The following CNTN1 variants were observed in gnomAD, a reference collection of about 807,000 sequenced individuals.
The protein encoded by CNTN1 is contactin 1, also known as contactin-1.
In CNTN1, 38 loss-of-function variants were observed where a neutral mutation model predicts 126.4. The ratio of observed to expected loss-of-function variants is 0.30; its 90% CI spans 0.23 to 0.39. CNTN1 has a LOEUF of 0.39. Ranked by LOEUF, CNTN1 falls within the 10% of genes least tolerant of loss-of-function variation. The pLI is 1.00. For synonymous variants in CNTN1, 413 were observed against 422.6 expected (o/e 0.98, Z 0.28); for missense variants, 1,009 against 1,248.4 (o/e 0.81, Z 2.89).
intron 12 of CNTN1, among the ~76,000 whole-genome samples, chr12:40,943,067 G>A (rs1946311961): frequency 6.6e-6 from 1 of 152,144 alleles, no homozygotes; most frequent in Admixed American, 6.6e-5. Context: ...CCCTGAGGAA[G>A]AGGCTGACAG....
intron 15 of CNTN1, among the ~76,000 whole-genome samples, chr12:40,975,129 A>G (rs1222205755): frequency 4.0e-5 from 6 of 148,268 alleles, no homozygotes; most frequent in South Asian, 2.1e-4. Flanking sequence ...TTAGCTATGT[A>G]TCTCTGACAA....
rs113358516 is a variant in CNTN1 at position 41,039,532 on chromosome 12, C to G, written c.2980+10313C>G. On this transcript the variant is annotated intron_variant, in intron 23 of 23. Transcript: ENST00000551295. ...AAATACATGAAGAAAAGAAGGAGTA[C>G]TTCAAATTTTGACAAGCTGAGTTCA... Among the ~76,000 whole-genome samples the G allele has an allele frequency of 3.9e-3, 601 of 152,220 alleles. 7 individuals are homozygous for G. Among genetic ancestry groups the G allele is most frequent in the African/African-American group, 0.014 (579 of 41,560 alleles).
chr12:41,052,212 A>G (rs549253049), intron 23 of CNTN1, among the ~76,000 whole-genome samples: 59 of 152,318 alleles, frequency 3.9e-4, no homozygotes, highest in African/African-American at 1.4e-3. Flanking sequence ...TCTGGTCTTA[A>G]GACCAGAAGT....
At chr12:40,798,182 G>A (rs1414415574) in intron 1 of CNTN1, among the ~76,000 whole-genome samples, 2 of 151,910 alleles carry the variant, frequency 1.3e-5, no homozygotes, top group African/African-American at 2.4e-5. Context: ...GTTGCACTGG[G>A]AAAGGAGACT....
intron 1 of CNTN1, among the ~76,000 whole-genome samples, chr12:40,810,394 A>G (rs1352641439): frequency 1.3e-5 from 2 of 152,172 alleles, no homozygotes; most frequent in Non-Finnish European, 2.9e-5. Context: ...TTGTGCTGAC[A>G]ATACTTAAGA....
intron 1 of CNTN1, among the ~76,000 whole-genome samples, chr12:40,762,586 T>C (rs1446719480): frequency 6.6e-6 from 1 of 152,164 alleles, no homozygotes; most frequent in Non-Finnish European, 1.5e-5. Context: ...CATCTTTATA[T>C]AATATATGAG....
intron 1 of CNTN1, among the ~76,000 whole-genome samples, chr12:40,737,367 A>ATATATATC (rs1330994070): frequency 7.0e-6 from 1 of 142,584 alleles, no homozygotes; most frequent in Non-Finnish European, 1.5e-5. Flanking sequence ...GTGTATATAT[A>ATATATATC]TATATATATA....
At chr12:40,915,959 A>G (rs778844079) in intron 3 of CNTN1, among the ~76,000 whole-genome samples, 23 of 152,124 alleles carry the variant, frequency 1.5e-4, no homozygotes, top group Non-Finnish European at 3.4e-4. Flanking sequence ...TGCAACACAA[A>G]TTCATTTCTC....
intron 1 of CNTN1, among the ~76,000 whole-genome samples, chr12:40,855,678 C>T (rs1036710169): frequency 6.6e-6 from 1 of 151,934 alleles, no homozygotes; most frequent in Non-Finnish European, 1.5e-5. Flanking sequence ...ATTTCAAATT[C>T]TGAAAAAATT....
At chr12:40,978,552 A>G (rs538073849) in intron 15 of CNTN1, among the ~76,000 whole-genome samples, 110 of 152,262 alleles carry the variant, frequency 7.2e-4, no homozygotes, top group African/African-American at 2.5e-3. Context: ...CTATACACCA[A>G]ATATTTATGA....
chr12:40,847,146 G>A (rs944944140), intron 1 of CNTN1, among the ~76,000 whole-genome samples: 23 of 152,134 alleles, frequency 1.5e-4, no homozygotes, highest in African/African-American at 4.6e-4. Context: ...GATGACAGGC[G>A]TGAGCGACTG....
chr12:40,742,132 C>A (rs1294669822), intron 1 of CNTN1, among the ~76,000 whole-genome samples: 1 of 152,014 alleles, frequency 6.6e-6, no homozygotes, highest in African/African-American at 2.4e-5. Context: ...GCCTAAAGTA[C>A]TTAAAATATA....
At chr12:40,700,390 G>A (rs2121106786) in intron 1 of CNTN1, among the ~76,000 whole-genome samples, 1 of 152,202 alleles carries the variant, frequency 6.6e-6, no homozygotes, top group African/African-American at 2.4e-5. Context: ...GCTGGGCATG[G>A]TGGCACATGC....
intron 1 of CNTN1, among the ~76,000 whole-genome samples, chr12:40,906,441 T>G (rs1253641287): frequency 3.3e-5 from 5 of 152,142 alleles, no homozygotes; most frequent in Admixed American, 6.5e-5. Flanking sequence ...ATGGTCCAGG[T>G]AAAAATTTTG....
intron 1 of CNTN1, among the ~76,000 whole-genome samples, chr12:40,890,702 A>G (rs896665812): frequency 3.9e-5 from 6 of 152,140 alleles, no homozygotes; most frequent in Non-Finnish European, 7.4e-5. Context: ...TTTTAGTGCT[A>G]AATAATACTC....
chr12:40,864,779 T>C (rs1490978176), intron 1 of CNTN1, among the ~76,000 whole-genome samples: 1 of 152,220 alleles, frequency 6.6e-6, no homozygotes, highest in Non-Finnish European at 1.5e-5. Context: ...TTGGCTATTA[T>C]GAATAATGCA....
intron 1 of CNTN1, among the ~76,000 whole-genome samples, chr12:40,838,298 C>T (rs1468474533): frequency 6.7e-6 from 1 of 149,678 alleles, no homozygotes; most frequent in African/African-American, 2.5e-5. Context: ...GCCCGCCTAG[C>T]CCATTGCTGC....
intron 14 of CNTN1, among the ~76,000 whole-genome samples, chr12:40,950,676 C>T (rs961306253): frequency 6.6e-6 from 1 of 152,090 alleles, no homozygotes; most frequent in Non-Finnish European, 1.5e-5. Flanking sequence ...TTCTGATCCC[C>T]TTTTTACTAC....
At chr12:40,959,346 C>A in intron 15 of CNTN1, 112 bp downstream of exon 15, 1 of 1,154,592 alleles carries the variant, frequency 8.7e-7, no homozygotes, top group Non-Finnish European at 1.3e-6. Context: ...GAGTCTCAAT[C>A]CCATGCTTAA....
Sources: allele counts gnomAD v4.1 joint callset (sites outside exome capture counted in the v4.1 genomes callset), GRCh38; gene constraint gnomAD v4.1.1; transcripts MANE v1.5; gene names NCBI Gene and HGNC (gene_info 2026-07-23, HGNC 2026-07-21).